The following IRAG1 variants were observed in gnomAD, a reference collection of about 807,000 sequenced individuals.
IRAG1 encodes the protein IP3R-associated cGMP kinase substrate.
IRAG1 carries 62 observed loss-of-function variants against 106.2 expected under a neutral mutation model. That is an observed-to-expected ratio of 0.58 (90% CI 0.48 to 0.72). IRAG1 has a LOEUF of 0.72. Among genes scored for constraint, IRAG1 ranks in the 30% least tolerant of loss-of-function variants. IRAG1 has a pLI of 0.00. For missense variants in IRAG1, 1,064 were observed against 1,140.7 expected (o/e 0.93, Z 0.97); for synonymous variants, 462 against 443.9 (o/e 1.04, Z -0.51).
chr11:10,597,873 G>A (rs1235582302), intron 15 of IRAG1, among the ~76,000 whole-genome samples: 2 of 152,156 alleles, frequency 1.3e-5, no homozygotes, highest in African/African-American at 4.8e-5. Context: ...TGTCTCTCCA[G>A]AGTACTTTTC....
At position 10,665,855 on chromosome 11, in the gene IRAG1, G is replaced by A. The variant is rs1407027176; in HGVS notation, c.68-13673C>T. 1.3e-5 allele frequency among the ~76,000 whole-genome samples: 2 copies of A among 152,214 alleles called. No homozygotes were observed. Among genetic ancestry groups the A allele is most frequent in the Non-Finnish European group, 2.9e-5 (2 of 68,038 alleles). ...AGAAGACACGTGATAAAGTAAAAGT[G>A]AGCAGTCCCTTGGTTATCCAGATGT... On this transcript the variant is annotated intron_variant, in intron 1 of 20. Coordinates refer to ENST00000423302, the MANE Select transcript of IRAG1 (RefSeq NM_130385.4). This position sits in a 1 kb window ranked among gnomAD's most constrained non-coding sequence, Gnocchi z 4.2.
In IRAG1 at chr11:10,623,833, C is replaced by G; in HGVS notation, c.1392G>C (p.Gln464His). 1 of 1,614,018 alleles carries G rather than the reference C, an allele frequency of 6.2e-7. No individual in the cohort carries two copies. Among genetic ancestry groups the G allele is most frequent in the Non-Finnish European group, 8.5e-7 (1 of 1,179,890 alleles). ...LREEHILMRN[Q>H]NLVGLKLPDL... ...CTGGAAGCTTGAGCCCCACTAAGTT[C>G]TGATTTCTCATCAGGATGTGCTCCT... Residue 464 changes from glutamine to histidine, a missense_variant, in exon 10 of 21, where the codon CAG becomes CAC. Transcript: ENST00000423302.
intron 1 of IRAG1, among the ~76,000 whole-genome samples, chr11:10,652,639 C>T (rs1193339440): frequency 6.6e-6 from 1 of 152,086 alleles, no homozygotes; most frequent in African/African-American, 2.4e-5. Context: ...GAGAACCGCC[C>T]CAGAGAGTGA....
rs1564949889 is a variant in IRAG1, at chr11:10,693,585, CTG to C, written c.16_17del (p.Gln6GlufsTer2). ...CTCCTCTGGCCAGCCTCTCTTCACTCTGGGGAGCTTTTACCATTTAAGGTCAA... is the reference window on the plus strand; with the variant it reads ...CTCCTCTGGCCAGCCTCTCTTCACTCGGGAGCTTTTACCATTTAAGGTCAA... The part of the protein sequence containing the change: MVKAP[Q>X]SEERLARGGK... On this transcript the variant is annotated frameshift_variant, in exon 1 of 21. Coordinates refer to ENST00000423302, the MANE Select transcript of IRAG1 (RefSeq NM_130385.4). LOFTEE classifies it high-confidence loss of function. The C allele has an allele frequency of 6.5e-7, 1 of 1,535,368 alleles. No homozygotes were observed. Among genetic ancestry groups the C allele is most frequent in the East Asian group, 2.4e-5 (1 of 40,922 alleles).
At chr11:10,632,148 T>C (rs2134640609) in intron 3 of IRAG1, 87 bp from the exon 4 acceptor site, 22 of 802,412 alleles carry the variant, frequency 2.7e-5, no homozygotes, top group Middle Eastern at 3.3e-4. Flanking sequence ...CTTTTTCTTT[T>C]TCTTTCTTTC....
At chr11:10,608,526 T>C (rs1343757842) in intron 11 of IRAG1, among the ~76,000 whole-genome samples, 1 of 152,116 alleles carries the variant, frequency 6.6e-6, no homozygotes, top group African/African-American at 2.4e-5. Flanking sequence ...ACATGGTATG[T>C]CTGGTGTCTG....
chr11:10,676,941 T>C (rs35165550), intron 1 of IRAG1, among the ~76,000 whole-genome samples: 60,904 of 152,018 alleles, frequency 0.4, 12,542 homozygotes, highest in African/African-American at 0.47. Flanking sequence ...CATCTCCCTG[T>C]CCTCAGTCTC....
chr11:10,693,409 G>T, intron 1 of IRAG1, 127 bp downstream of exon 1: 5 of 1,450,232 alleles, frequency 3.4e-6, no homozygotes, highest in Non-Finnish European at 3.6e-6. Context: ...ACCCAACAAA[G>T]CCAGCTCCCC....
chr11:10,672,015 A>G (rs1589955680), intron 1 of IRAG1, among the ~76,000 whole-genome samples: 2 of 152,236 alleles, frequency 1.3e-5, no homozygotes, highest in South Asian at 4.1e-4. Flanking sequence ...ATACACATCA[A>G]TGCAACAGAC....
At chr11:10,642,612 G>C (rs1457196099) in intron 2 of IRAG1, among the ~76,000 whole-genome samples, 1 of 152,228 alleles carries the variant, frequency 6.6e-6, no homozygotes, top group East Asian at 1.9e-4. Flanking sequence ...GGGTGACCTT[G>C]GGCAAGTTAC....
In IRAG1 at chr11:10,606,906, T is replaced by C. The variant is rs1854523525; in HGVS notation, c.1572-134A>G. On this transcript the variant is annotated intron_variant, in intron 11 of 20. Coordinates refer to ENST00000423302, the MANE Select transcript of IRAG1 (RefSeq NM_130385.4). ...TGTTGGTGAGAAGGAAAAGATGCAATGTCCCCTTGCCTGTGCTCTGTCACC... is the reference window on the plus strand; with the variant it reads ...TGTTGGTGAGAAGGAAAAGATGCAACGTCCCCTTGCCTGTGCTCTGTCACC... 5 of 719,610 alleles carry C rather than the reference T, an allele frequency of 6.9e-6. No homozygotes were observed. In the South Asian group the frequency reaches 8.8e-5, roughly 13 times the overall value. The allele number at this position is 719,610 out of a possible 1,614,324, so 44.6% of individuals were successfully genotyped here.
intron 2 of IRAG1, among the ~76,000 whole-genome samples, chr11:10,634,771 G>T (rs974892712): frequency 6.6e-6 from 1 of 151,484 alleles, no homozygotes; most frequent in South Asian, 2.1e-4. Context: ...GTGTGTGTGT[G>T]TGTGTGTGTG....
At chr11:10,613,261 CAA>C (rs34065353) in intron 10 of IRAG1, among the ~76,000 whole-genome samples, 51,395 of 132,922 alleles carry the variant, frequency 0.39, 9,569 homozygotes, top group East Asian at 0.71. Flanking sequence ...ATGCTTCATA[CAA>C]AAAAAAAAAA....
At chr11:10,609,446 C>G (rs777673620) in intron 11 of IRAG1, among the ~76,000 whole-genome samples, 2 of 152,180 alleles carry the variant, frequency 1.3e-5, no homozygotes, top group Non-Finnish European at 2.9e-5. Flanking sequence ...ACCCATGTCT[C>G]CTGGCTCAAA....
At chr11:10,627,794 A>G (rs751115738) in intron 7 of IRAG1, 34 bp from the exon 8 acceptor site, 7 of 1,613,742 alleles carry the variant, frequency 4.3e-6, no homozygotes, top group Non-Finnish European at 5.1e-6. Flanking sequence ...TCAGTCAGCA[A>G]TGGGAAGAGA....
chr11:10,582,960 A>G (rs968602096), intron 18 of IRAG1, among the ~76,000 whole-genome samples: 2 of 152,252 alleles, frequency 1.3e-5, no homozygotes, highest in Non-Finnish European at 2.9e-5. Flanking sequence ...GTAAAAAAGC[A>G]GAGGAGAGAT....
At chr11:10,636,350 T>A (rs978594230) in intron 2 of IRAG1, among the ~76,000 whole-genome samples, 9 of 150,234 alleles carry the variant, frequency 6.0e-5, no homozygotes, top group East Asian at 1.9e-4. Flanking sequence ...GACTTAAAAA[T>A]TTTTTTTTTA....
At chr11:10,617,103 G>A in intron 10 of IRAG1, 3 of 985,332 alleles carry the variant, frequency 3.0e-6, no homozygotes, top group Non-Finnish European at 3.6e-6. Context: ...CTAGACTGGG[G>A]GTTTTGGAAG....
At chr11:10,610,584 A>G (rs770770381) in intron 10 of IRAG1, among the ~76,000 whole-genome samples, 1 of 152,104 alleles carries the variant, frequency 6.6e-6, no homozygotes, top group Non-Finnish European at 1.5e-5. Context: ...CATTTTTCCA[A>G]CAAGCTCACT....
Sources: allele counts gnomAD v4.1 joint callset (sites outside exome capture counted in the v4.1 genomes callset), GRCh38; gene constraint gnomAD v4.1.1; non-coding constraint Gnocchi (gnomAD v3.1); transcripts MANE v1.5; gene names NCBI Gene and HGNC (gene_info 2026-07-23, HGNC 2026-07-21).